HSD17B4: variants seen among roughly 807,000 people sequenced by gnomAD.
HSD17B4 encodes peroxisomal multifunctional enzyme type 2.
A neutral mutation model predicts 101.0 loss-of-function variants in HSD17B4; 70 were observed. The ratio of observed to expected loss-of-function variants is 0.69; its 90% CI spans 0.57 to 0.85. The LOEUF is 0.85. HSD17B4 is among the 40% of genes least tolerant of loss of function. The pLI is 0.00. For missense variants in HSD17B4, 984 were observed against 892.4 expected (o/e 1.10, Z -1.31); for synonymous variants, 347 against 297.1 (o/e 1.17, Z -1.73).
intron 2 of HSD17B4, among the ~76,000 whole-genome samples, chr5:119,466,075 A>G (rs948371645): frequency 6.6e-6 from 1 of 152,204 alleles, no homozygotes; most frequent in Admixed American, 6.5e-5. Flanking sequence ...TGAGATGATC[A>G]GATGGTTTTT....
At chr5:119,480,495 T>C (rs1749019227) in intron 8 of HSD17B4, among the ~76,000 whole-genome samples, 1 of 150,826 alleles carries the variant, frequency 6.6e-6, no homozygotes, top group Admixed American at 6.6e-5. Context: ...GGGGAGGGAG[T>C]GTGTGAATAG....
intron 20 of HSD17B4, among the ~76,000 whole-genome samples, chr5:119,529,312 A>G (rs933739095): frequency 3.3e-5 from 5 of 152,210 alleles, no homozygotes; most frequent in African/African-American, 1.2e-4. Context: ...CTATTTTGAT[A>G]AAAGCCTATT....
intron 17 of HSD17B4, among the ~76,000 whole-genome samples, chr5:119,523,859 T>C (rs976244402): frequency 6.6e-6 from 1 of 152,114 alleles, no homozygotes; most frequent in Non-Finnish European, 1.5e-5. Context: ...AAATGAGCAA[T>C]TGAGGCTTCG....
chr5:119,542,275 G>T lies in HSD17B4; in HGVS notation c.*281G>T. 1 of 276,164 alleles carries T rather than the reference G, an allele frequency of 3.6e-6. No homozygotes were observed. Among genetic ancestry groups the T allele is most frequent in the Non-Finnish European group, 6.9e-6 (1 of 145,674 alleles). 17.1% of individuals were successfully genotyped at this position (276,164 alleles called of 1,614,324 possible). ...CCCAAGTCCTGTTTCCTTAGAATTT[G>T]TGATAGCATTGATAAGTTGAAAGGA... On this transcript the variant is annotated 3_prime_UTR_variant, in exon 24 of 24. Transcript: ENST00000510025.
At chr5:119,461,478 G>A (rs1277679992) in intron 2 of HSD17B4, among the ~76,000 whole-genome samples, 4 of 152,166 alleles carry the variant, frequency 2.6e-5, no homozygotes, top group Non-Finnish European at 5.9e-5. Context: ...TCACAAACAC[G>A]TGGTTCTATT....
chr5:119,486,317 G>T (rs1459358983), intron 8 of HSD17B4, among the ~76,000 whole-genome samples: 1 of 152,150 alleles, frequency 6.6e-6, no homozygotes, highest in Non-Finnish European at 1.5e-5. Flanking sequence ...TAAAGGACAT[G>T]GGGGTCATTG....
chr5:119,477,602 A>G, intron 7 of HSD17B4, 101 bp downstream of exon 7: 1 of 846,120 alleles, frequency 1.2e-6, no homozygotes, highest in Non-Finnish European at 2.1e-6. Flanking sequence ...ATGATTTATG[A>G]CATTGAGGAA....
chr5:119,454,330 A>T (rs1754377052), intron 1 of HSD17B4, among the ~76,000 whole-genome samples: 2 of 151,508 alleles, frequency 1.3e-5, no homozygotes, highest in South Asian at 4.2e-4. Flanking sequence ...TTCAGAGCTA[A>T]AGGTTTTACT....
At chr5:119,456,008 A>G (rs1754598398) in intron 1 of HSD17B4, among the ~76,000 whole-genome samples, 2 of 152,180 alleles carry the variant, frequency 1.3e-5, no homozygotes, top group African/African-American at 4.8e-5. Flanking sequence ...TCTCTGTCTC[A>G]CTTACACCTT....
At chr5:119,531,193 A>G in intron 21 of HSD17B4, 73 bp from the exon 22 acceptor site, 8 of 1,480,612 alleles carry the variant, frequency 5.4e-6, no homozygotes, top group Non-Finnish European at 5.7e-6. Flanking sequence ...TTTTTTGCAC[A>G]TGTTTTATAA....
rs1750994742 is a variant in HSD17B4, at chr5:119,499,804, T to C, written c.1209+251T>C. On this transcript the variant is annotated intron_variant, in intron 13 of 23. Transcript: ENST00000510025. The stretch of plus-strand genomic sequence containing the variant: ...CCATAACCCTGGCATAATGTTATTC[T>C]CTCTCTGCCATTTACTTGATTCTTG... Among the ~76,000 whole-genome samples, 4 of 152,134 alleles carry C rather than the reference T, an allele frequency of 2.6e-5. 1 individual carries two copies. Among genetic ancestry groups the C allele is most frequent in the Admixed American group, 2.0e-4 (3 of 15,266 alleles).
At chr5:119,530,079 C>T in intron 21 of HSD17B4, 99 bp downstream of exon 21, 1 of 770,738 alleles carries the variant, frequency 1.3e-6, no homozygotes, top group Non-Finnish European at 2.4e-6. Context: ...AATTAACAAC[C>T]ATGAAACTAT....
chr5:119,529,994 A>G lies in HSD17B4; in HGVS notation c.1854+14A>G, dbSNP rs777391562. The G allele has an allele frequency of 6.7e-7, 1 of 1,488,134 alleles. No homozygotes were observed. The highest frequency in any genetic ancestry group is 9.4e-7 in the Non-Finnish European group (1 of 1,065,722). The allele number at this position is 1,488,134 out of a possible 1,614,324, so 92.2% of individuals were successfully genotyped here. On this transcript the variant is annotated intron_variant, in intron 21 of 23. Coordinates refer to ENST00000510025, the MANE Select transcript of HSD17B4 (RefSeq NM_000414.4). Reference sequence around the variant, plus strand: ...ACACCCTCTGAGGTAGGTTATAAAAATTAGTATCCAAGCCACTTCCTCATT... The same window carrying G: ...ACACCCTCTGAGGTAGGTTATAAAAGTTAGTATCCAAGCCACTTCCTCATT...
intron 2 of HSD17B4, chr5:119,456,573 T>C: frequency 1.7e-6 from 1 of 575,492 alleles, no homozygotes; most frequent in Non-Finnish European, 3.1e-6. Flanking sequence ...ATTCCCAGCT[T>C]AACAGAATTG....
chr5:119,508,470 A>G (rs1477129390), intron 15 of HSD17B4, among the ~76,000 whole-genome samples: 1 of 152,206 alleles, frequency 6.6e-6, no homozygotes, highest in Admixed American at 6.5e-5. Flanking sequence ...ATTTAAAATC[A>G]TATTTCTAGT....
Position 119,473,957 on chromosome 5 carries a change from T to C in HSD17B4, c.162T>C (p.Ala54=), listed in dbSNP as rs1417051053. 6.2e-7 allele frequency: 1 copy of C among 1,613,040 alleles called. No homozygotes were observed. Among genetic ancestry groups the C allele is most frequent in the South Asian group, 1.1e-5 (1 of 91,050 alleles). The change falls in exon 3 of 24, where the codon GCT becomes GCC. Residue 54 remains alanine (A), a synonymous_variant. Transcript: ENST00000510025. ...AAGGAGTTGGTAAAGGCTCCTTAGC[T>C]GCTGATAAGGTTGTTGAAGAAATAA... ...DFKGVGKGSL[A]ADKVVEEIRR...
intron 16 of HSD17B4, among the ~76,000 whole-genome samples, chr5:119,510,599 A>T (rs955646792): frequency 6.6e-6 from 1 of 152,242 alleles, no homozygotes; most frequent in Non-Finnish European, 1.5e-5. Context: ...CTTGTAAAAA[A>T]TTATTTTAAA....
intron 2 of HSD17B4, 24 bp from the exon 3 acceptor site, chr5:119,473,884 T>C (rs762227716): frequency 1.2e-5 from 15 of 1,289,640 alleles, no homozygotes; most frequent in African/African-American, 1.5e-5. Context: ...AATTAATTGT[T>C]GTTTGCTTGT....
chr5:119,536,946 G>T (rs1754592405), intron 23 of HSD17B4, among the ~76,000 whole-genome samples: 1 of 152,092 alleles, frequency 6.6e-6, no homozygotes, highest in Non-Finnish European at 1.5e-5. Context: ...AGGCATTTCA[G>T]TGGAAAATCA....
Sources: gnomAD v4.1 joint callset for allele counts (sites outside exome capture counted in the v4.1 genomes callset) on GRCh38, gnomAD v4.1.1 for gene constraint, MANE v1.5 for transcripts, NCBI Gene and HGNC (gene_info 2026-07-23, HGNC 2026-07-21) for gene names.